ZNF107: variants seen among roughly 807,000 people sequenced by gnomAD.
ZNF107 encodes zinc finger protein 107.
Under a neutral mutation model 12.3 loss-of-function variants are expected in ZNF107, and 19 were observed. The observed-to-expected ratio is 1.55, with a 90% CI of 1.08 to 2.27. The LOEUF (loss-of-function observed/expected upper bound fraction) is 2.27, where lower values mean the gene tolerates loss of function less well. Ranked by LOEUF, ZNF107 falls within the 30% of genes most tolerant of loss-of-function variation. The pLI is 0.00. For synonymous variants in ZNF107, 317 were observed against 330.5 expected (o/e 0.96, Z 0.44); for missense variants, 958 against 979.9 (o/e 0.98, Z 0.30).
chr7:64,706,995 C>A lies in ZNF107; in HGVS notation c.898C>A (p.Leu300Ile). ...CAAAGTCTTTAGCCAGTCCTCACAC[C>A]TTACTACACAAAAGATACTTCACAC... ...CGKVFSQSSH[L>I]TTQKILHTGE... Residue 300 changes from leucine to isoleucine, a missense_variant, in exon 4 of 4, where the codon CTT becomes ATT. Physicochemically the swap from Leu to Ile is conservative, Grantham distance 5 (BLOSUM62 2). Coordinates refer to ENST00000620827, the MANE Select transcript of ZNF107 (RefSeq NM_001282359.2). 2 of 1,613,564 alleles carry A rather than the reference C, an allele frequency of 1.2e-6. No individual in the cohort carries two copies. The highest frequency in any genetic ancestry group is 2.7e-5 in the African/African-American group (2 of 74,998).
intron 1 of ZNF107, among the ~76,000 whole-genome samples, chr7:64,675,789 A>G (rs1028878692): frequency 7.2e-5 from 11 of 152,132 alleles, no homozygotes; most frequent in African/African-American, 2.7e-4. Context: ...CTTTGTTCTC[A>G]TTTGTTCCAA....
chr7:64,697,044 A>G (rs2128964976), intron 3 of ZNF107, among the ~76,000 whole-genome samples: 1 of 145,192 alleles, frequency 6.9e-6, no homozygotes, highest in Middle Eastern at 3.5e-3. Context: ...TTCAGTTCCC[A>G]CCTATGAGTG....
At chr7:64,681,610 C>T (rs891992526) in intron 1 of ZNF107, among the ~76,000 whole-genome samples, 1 of 152,076 alleles carries the variant, frequency 6.6e-6, no homozygotes, top group Non-Finnish European at 1.5e-5. Flanking sequence ...ATCACTCCCC[C>T]CTTATCATCC....
intron 3 of ZNF107, among the ~76,000 whole-genome samples, chr7:64,694,127 T>G (rs992385498): frequency 6.6e-6 from 1 of 152,170 alleles, no homozygotes; most frequent in Non-Finnish European, 1.5e-5. Context: ...GACCATGAAC[T>G]GTGGATCAGG....
intron 1 of ZNF107, among the ~76,000 whole-genome samples, chr7:64,682,269 C>T (rs1462568357): frequency 6.6e-6 from 1 of 152,064 alleles, no homozygotes; most frequent in East Asian, 1.9e-4. Context: ...CATCAGCACA[C>T]CCGCACTCCC....
chr7:64,688,849 A>T (rs553523322), intron 1 of ZNF107, among the ~76,000 whole-genome samples: 2 of 152,336 alleles, frequency 1.3e-5, no homozygotes, highest in East Asian at 3.9e-4. Flanking sequence ...GACACACTGG[A>T]TCCTGTAACC....
At position 64,686,119 on chromosome 7, in the gene ZNF107, G is replaced by A. The variant is rs149964113; in HGVS notation, c.4-5129G>A. Among the ~76,000 whole-genome samples, 250 of 152,170 alleles carry A rather than the reference G, an allele frequency of 1.6e-3. 1 individual carries two copies. The highest frequency in any genetic ancestry group is 5.7e-3 in the African/African-American group (238 of 41,536). Reference sequence around the variant, plus strand: ...CCACCGTGGCTTAGACCTCCTAACCGTCGAAAAAGGTGGGCTATGCACCTT... The same window carrying A: ...CCACCGTGGCTTAGACCTCCTAACCATCGAAAAAGGTGGGCTATGCACCTT... On this transcript the variant is annotated intron_variant, in intron 1 of 3. Coordinates refer to ENST00000620827, the MANE Select transcript of ZNF107 (RefSeq NM_001282359.2).
Position 64,679,381 on chromosome 7 carries a change from G to A in ZNF107, c.4-11867G>A, listed in dbSNP as rs1025294060. The A allele has an allele frequency of 1.8e-5, 18 of 979,888 alleles. No individual in the cohort carries two copies. The African/African-American group carries it at 3.0e-4, about 16-fold the overall frequency. 60.7% of individuals were successfully genotyped at this position (979,888 alleles called of 1,614,324 possible). On this transcript the variant is annotated intron_variant, in intron 1 of 3. Coordinates refer to ENST00000620827, the MANE Select transcript of ZNF107 (RefSeq NM_001282359.2). ...TCTCAAACTTTCCTTTTCTTAGAGA[G>A]GAGAGGACACTCACTGTCTGTGTTT...
At chr7:64,682,680 GCCCTAATACT>G (rs1485887007) in intron 1 of ZNF107, among the ~76,000 whole-genome samples, 1 of 152,074 alleles carries the variant, frequency 6.6e-6, no homozygotes, top group African/African-American at 2.4e-5. Context: ...AGCGGCCACT[GCCCTAATACT>G]CCTAGAATCC....
At chr7:64,695,296 T>C (rs1790252349) in intron 3 of ZNF107, among the ~76,000 whole-genome samples, 1 of 152,176 alleles carries the variant, frequency 6.6e-6, no homozygotes. Context: ...TTTATGATTA[T>C]ACTGCATTTT....
chr7:64,695,017 A>C (rs1027631510), intron 3 of ZNF107, among the ~76,000 whole-genome samples: 1 of 151,940 alleles, frequency 6.6e-6, no homozygotes, highest in Admixed American at 6.6e-5. Context: ...CTTATTCTCA[A>C]ATACTTTTAT....
chr7:64,681,873 C>T (rs1584471452), intron 1 of ZNF107, among the ~76,000 whole-genome samples: 3 of 152,212 alleles, frequency 2.0e-5, no homozygotes, highest in Non-Finnish European at 1.5e-5. Flanking sequence ...CAGAATACCT[C>T]CCACCACTAC....
Position 64,708,787 on chromosome 7 carries a change from A to T in ZNF107, c.*131A>T. The T allele has an allele frequency of 1.1e-6, 1 of 883,996 alleles. No homozygotes were observed. The highest frequency in any genetic ancestry group is 1.8e-5 in the South Asian group (1 of 54,168). The allele number at this position is 883,996 out of a possible 1,614,324, so 54.8% of individuals were successfully genotyped here. A position where few individuals can be genotyped will look rare whatever the true frequency, so the allele number is the denominator to read the frequency against. On this transcript the variant is annotated 3_prime_UTR_variant, in exon 4 of 4. Transcript: ENST00000620827. Reference sequence around the variant, plus strand: ...ACACGAGGTATTTTATACTGGTGAGAAACCTTACAATGTAAAGAATGTGGC... The same window carrying T: ...ACACGAGGTATTTTATACTGGTGAGTAACCTTACAATGTAAAGAATGTGGC...
In ZNF107 at chr7:64,706,377, T is replaced by C; in HGVS notation, c.280T>C (p.Ser94Pro). 6.2e-7 allele frequency: 1 copy of C among 1,609,822 alleles called. No individual in the cohort carries two copies. The highest frequency in any genetic ancestry group is 8.5e-7 in the Non-Finnish European group (1 of 1,177,660). Reference sequence around the variant, plus strand: ...TTGGCCAGAGCAGAACATAAAAGATTCTTTCCAGAAAGTGACACTGAGAAG... The same window carrying C: ...TTGGCCAGAGCAGAACATAAAAGATCCTTTCCAGAAAGTGACACTGAGAAG... Reference protein sequence around the residue: ...DLWPEQNIKDSFQKVTLRRYG... With the variant: ...DLWPEQNIKDPFQKVTLRRYG... The change falls in exon 4 of 4, where the codon TCT becomes CCT. Residue 94 changes from serine to proline, a missense_variant. By Grantham distance (74) the Ser-to-Pro change is moderately conservative (BLOSUM62 -1). Transcript: ENST00000620827.
At chr7:64,685,476 G>A (rs1218860298) in intron 1 of ZNF107, among the ~76,000 whole-genome samples, 1 of 152,048 alleles carries the variant, frequency 6.6e-6, no homozygotes, top group African/African-American at 2.4e-5. Context: ...TTCACCCCTG[G>A]ACCTCCTGCA....
intron 1 of ZNF107, among the ~76,000 whole-genome samples, chr7:64,678,622 G>T (rs1341278867): frequency 1.3e-5 from 2 of 151,986 alleles, no homozygotes; most frequent in African/African-American, 2.4e-5. Flanking sequence ...TTGAATTATG[G>T]TTACAGACAA....
intron 3 of ZNF107, among the ~76,000 whole-genome samples, chr7:64,702,424 C>T (rs550146253): frequency 2.4e-4 from 37 of 152,202 alleles, no homozygotes; most frequent in African/African-American, 6.5e-4. Context: ...CGTGAGCCAC[C>T]GCGCCCGGCC....
rs112449315 is a variant in ZNF107, at chr7:64,709,974, A to G, written c.*1318A>G. 1.2e-3 allele frequency: 313 copies of G among 260,322 alleles called. 3 individuals carry two copies. The highest frequency in any genetic ancestry group is 6.4e-3 in the African/African-American group (274 of 42,582). 16.1% of individuals were successfully genotyped at this position (260,322 alleles called of 1,614,324 possible). A position where few individuals can be genotyped will look rare whatever the true frequency, so the allele number is the denominator to read the frequency against. ...ACCCCATCTCTATTAAAAATTTTAC[A>G]AAAATTAGCTGCGTGTGGTGGCAGG... is the stretch of plus-strand genomic sequence containing the variant. On this transcript the variant is annotated 3_prime_UTR_variant, in exon 4 of 4. Transcript: ENST00000620827.
At chr7:64,701,964 A>T (rs1790490287) in intron 3 of ZNF107, among the ~76,000 whole-genome samples, 1 of 152,116 alleles carries the variant, frequency 6.6e-6, no homozygotes, top group Admixed American at 6.5e-5. Flanking sequence ...TGAAGCTACT[A>T]TTATCATTTT....
Sources: allele counts gnomAD v4.1 joint callset (sites outside exome capture counted in the v4.1 genomes callset), GRCh38; gene constraint gnomAD v4.1.1; transcripts MANE v1.5; gene names NCBI Gene and HGNC (gene_info 2026-07-23, HGNC 2026-07-21).